Variants in SHC3 observed in about 807,000 individuals in gnomAD.
SHC3 encodes the protein SHC adaptor protein 3, also known as SHC-transforming protein 3.
Under a neutral mutation model 60.4 loss-of-function variants are expected in SHC3, and 15 were observed. The ratio of observed to expected loss-of-function variants is 0.25; its 90% CI spans 0.17 to 0.38. SHC3 has a LOEUF of 0.38. Ranked by LOEUF, SHC3 falls within the 10% of genes least tolerant of loss-of-function variation. The pLI is 1.00. For synonymous variants in SHC3, 294 were observed against 325.9 expected, an observed-to-expected ratio of 0.90 and a Z score of 1.05; for missense variants, 677 against 786.1, an observed-to-expected ratio of 0.86 and a Z score of 1.66.
At chr9:89,146,721 C>T (rs753112672) in intron 1 of SHC3, among the ~76,000 whole-genome samples, 1 of 152,116 alleles carries the variant, frequency 6.6e-6, no homozygotes, top group Non-Finnish European at 1.5e-5. Flanking sequence ...CTAGTTTAAA[C>T]GTGTGCATTA....
chr9:89,064,529 C>T (rs1258638749), intron 6 of SHC3, among the ~76,000 whole-genome samples: 1 of 152,124 alleles, frequency 6.6e-6, no homozygotes, highest in Non-Finnish European at 1.5e-5. Context: ...AGCCTTATTT[C>T]CTAGCTTTGG....
At chr9:89,163,536 T>C (rs901876882) in intron 1 of SHC3, among the ~76,000 whole-genome samples, 3 of 133,148 alleles carry the variant, frequency 2.3e-5, no homozygotes, top group Admixed American at 8.8e-5. Context: ...TAGGTGGGAA[T>C]TGAACAATGA....
chr9:89,013,690 G>GA (rs763861214), intron 11 of SHC3, 115 bp from the exon 12 acceptor site: 110 of 1,421,674 alleles, frequency 7.7e-5, no homozygotes, highest in Non-Finnish European at 9.6e-5. Flanking sequence ...AGGAGGGGGG[G>GA]ACAAGGGGCT....
At chr9:89,047,073 T>C (rs2117909908) in intron 7 of SHC3, 79 bp from the exon 8 acceptor site, 1 of 1,417,380 alleles carries the variant, frequency 7.1e-7, no homozygotes, top group Non-Finnish European at 9.3e-7. Flanking sequence ...TGTTAGCGCC[T>C]GTTATTAAGA....
intron 2 of SHC3, among the ~76,000 whole-genome samples, chr9:89,106,416 C>G (rs1374233931): frequency 6.6e-6 from 1 of 152,214 alleles, no homozygotes; most frequent in Non-Finnish European, 1.5e-5. Flanking sequence ...CATGGACAGT[C>G]CCGTAAATGC....
At chr9:89,153,294 C>T (rs1276363332) in intron 1 of SHC3, among the ~76,000 whole-genome samples, 2 of 152,172 alleles carry the variant, frequency 1.3e-5, no homozygotes, top group South Asian at 2.1e-4. Flanking sequence ...GCAATCCCCC[C>T]AGAATAACTT....
intron 1 of SHC3, among the ~76,000 whole-genome samples, chr9:89,163,887 A>G (rs796364961): frequency 1.3e-5 from 2 of 151,712 alleles, no homozygotes; most frequent in African/African-American, 4.8e-5. Flanking sequence ...CTGGTTGCAG[A>G]AGACTGTCTT....
chr9:89,112,247 T>G (rs1487001084), intron 2 of SHC3, among the ~76,000 whole-genome samples: 2 of 152,198 alleles, frequency 1.3e-5, no homozygotes, highest in Non-Finnish European at 2.9e-5. Context: ...AAAATACCAA[T>G]CTTGTGTTAG....
intron 9 of SHC3, among the ~76,000 whole-genome samples, chr9:89,044,499 A>G (rs1824740681): frequency 6.6e-6 from 1 of 152,258 alleles, no homozygotes; most frequent in Non-Finnish European, 1.5e-5. Context: ...AATAATGTTT[A>G]AATTTAGATA....
At chr9:89,023,499 C>T (rs1232732798) in intron 11 of SHC3, among the ~76,000 whole-genome samples, 2 of 152,204 alleles carry the variant, frequency 1.3e-5, no homozygotes, top group Non-Finnish European at 2.9e-5. Flanking sequence ...GCCATTGAGG[C>T]CATAACCAAT....
intron 1 of SHC3, among the ~76,000 whole-genome samples, chr9:89,142,098 A>G (rs1826401864): frequency 6.6e-6 from 1 of 152,162 alleles, no homozygotes; most frequent in African/African-American, 2.4e-5. Context: ...AAGGCAGATT[A>G]ATTAAAAAAG....
At chr9:89,139,084 G>A (rs1826357628) in intron 1 of SHC3, among the ~76,000 whole-genome samples, 1 of 152,202 alleles carries the variant, frequency 6.6e-6, no homozygotes, top group Non-Finnish European at 1.5e-5. Context: ...TTGGGAAACT[G>A]TTGGAACCAG....
At chr9:89,072,791 G>T (rs77701654) in intron 4 of SHC3, among the ~76,000 whole-genome samples, 1,918 of 152,206 alleles carry the variant, frequency 0.013, 16 homozygotes, top group South Asian at 0.034. Context: ...CCTTGTCCTC[G>T]GGCAGGCAGT....
intron 10 of SHC3, among the ~76,000 whole-genome samples, chr9:89,041,552 G>C (rs1303362836): frequency 6.6e-6 from 1 of 152,204 alleles, no homozygotes; most frequent in East Asian, 1.9e-4. Context: ...AGTGGGAGGA[G>C]AGGAGAAAGA....
chr9:89,153,954 C>T (rs1022538949), intron 1 of SHC3, among the ~76,000 whole-genome samples: 7 of 152,236 alleles, frequency 4.6e-5, no homozygotes, highest in South Asian at 4.1e-4. Context: ...TTCCTCCTGA[C>T]GACCTTATAA....
chr9:89,013,722 T>C (rs1826048328), intron 11 of SHC3, 147 bp from the exon 12 acceptor site: 2 of 1,203,818 alleles, frequency 1.7e-6, no homozygotes, highest in East Asian at 5.2e-5. Context: ...AGAGATGCTG[T>C]CTGCAAAGAG....
At chr9:89,090,019 C>A (rs566378415) in intron 2 of SHC3, among the ~76,000 whole-genome samples, 2 of 152,346 alleles carry the variant, frequency 1.3e-5, no homozygotes, top group Admixed American at 1.3e-4. Context: ...GGCCCACGAG[C>A]AAACACACGG....
intron 2 of SHC3, chr9:89,109,748 C>T: frequency 1.0e-6 from 1 of 985,556 alleles, no homozygotes; most frequent in South Asian, 4.7e-5. Flanking sequence ...GGCTCCTGCT[C>T]CCTTCTTCAT....
Position 89,098,561 on chromosome 9 carries a change from C to A in SHC3, c.545+13995G>T, listed in dbSNP as rs545773124. Reference sequence around the variant, plus strand: ...ACATGGCTCACGCCTGTAATCCCAGCACTTTGGGAAGCCAAGGTGGGCAGA... The same window carrying A: ...ACATGGCTCACGCCTGTAATCCCAGAACTTTGGGAAGCCAAGGTGGGCAGA... On this transcript the variant is annotated intron_variant, in intron 2 of 11. Coordinates refer to ENST00000375835, the MANE Select transcript of SHC3 (RefSeq NM_016848.6). Among the ~76,000 whole-genome samples the A allele has an allele frequency of 3.3e-5, 5 of 152,312 alleles. No homozygotes were observed. The South Asian group carries it at 6.2e-4, about 19-fold the overall frequency.
Sources: gnomAD v4.1 joint callset for allele counts (sites outside exome capture counted in the v4.1 genomes callset) on GRCh38, gnomAD v4.1.1 for gene constraint, MANE v1.5 for transcripts, NCBI Gene and HGNC (gene_info 2026-07-23, HGNC 2026-07-21) for gene names.